The following ATL2 variants were observed in gnomAD, a reference collection of about 807,000 sequenced individuals.
ATL2 encodes the protein atlastin-2.
Under a neutral mutation model 73.9 loss-of-function variants are expected in ATL2, and 31 were observed. That is an observed-to-expected ratio of 0.42 (90% confidence interval 0.32 to 0.57). The LOEUF (loss-of-function observed/expected upper bound fraction) is 0.57, where lower values mean the gene tolerates loss of function less well. ATL2 is among the 20% of genes least tolerant of loss of function. ATL2 has a pLI of 0.14. For missense variants in ATL2, 738 were observed against 702.6 expected (o/e 1.05, Z -0.57); for synonymous variants, 291 against 237.5 (o/e 1.23, Z -2.07).
At chr2:38,313,012 A>C in intron 7 of ATL2, 139 bp downstream of exon 7, 1 of 591,994 alleles carries the variant, frequency 1.7e-6, no homozygotes, top group East Asian at 2.9e-5. Flanking sequence ...ATCAATTACA[A>C]ACAGAGTCAC....
At chr2:38,358,752 C>A (rs1338743329) in intron 1 of ATL2, 1 of 157,702 alleles carries the variant, frequency 6.3e-6, no homozygotes, top group Non-Finnish European at 1.4e-5. Context: ...TGAAAACTAT[C>A]AGCTAGTTTA....
chr2:38,377,101 TC>T (rs1266723268), intron 1 of ATL2, 41 bp downstream of exon 1: 1 of 1,579,672 alleles, frequency 6.3e-7, no homozygotes, highest in Non-Finnish European at 8.6e-7. Context: ...CGAGCGTCTC[TC>T]CCCATCAGGG....
intron 1 of ATL2, among the ~76,000 whole-genome samples, chr2:38,360,038 G>A (rs747555083): frequency 6.7e-5 from 10 of 149,906 alleles, no homozygotes; most frequent in African/African-American, 2.2e-4. Context: ...GCTGAGACAC[G>A]AGAATCACTT....
chr2:38,300,597 A>G (rs1667135274), intron 9 of ATL2, among the ~76,000 whole-genome samples: 2 of 152,294 alleles, frequency 1.3e-5, no homozygotes, highest in South Asian at 4.1e-4. Context: ...TTCTTTATGA[A>G]AAGAAATTCA....
chr2:38,329,956 C>T lies in ATL2; in HGVS notation c.364-10937G>A, dbSNP rs111793001. On this transcript the variant is annotated intron_variant, in intron 2 of 12. Transcript: ENST00000378954. ...CCAGGCTGGCCAACATGGCAAAACC[C>T]CATCTCTACTAAAAATACAAAAATT... Among the ~76,000 whole-genome samples the T allele has an allele frequency of 8.0e-3, 1,223 of 152,010 alleles. 20 individuals carry two copies. Among genetic ancestry groups the T allele is most frequent in the African/African-American group, 0.028 (1,148 of 41,470 alleles).
intron 1 of ATL2, among the ~76,000 whole-genome samples, chr2:38,344,872 T>C (rs752378980): frequency 2.0e-5 from 3 of 152,222 alleles, no homozygotes. Flanking sequence ...ACAGCTGTTA[T>C]AGCTCCCGAA....
At chr2:38,368,453 T>G (rs1671477918) in intron 1 of ATL2, among the ~76,000 whole-genome samples, 1 of 152,014 alleles carries the variant, frequency 6.6e-6, no homozygotes, top group Non-Finnish European at 1.5e-5. Flanking sequence ...GGTTTCTCCA[T>G]GTTGGTCAGG....
chr2:38,361,573 C>A (rs1671018526), intron 1 of ATL2, among the ~76,000 whole-genome samples: 1 of 152,122 alleles, frequency 6.6e-6, no homozygotes, highest in Non-Finnish European at 1.5e-5. Context: ...AACCATTCAA[C>A]TGCACAGTAA....
intron 1 of ATL2, among the ~76,000 whole-genome samples, chr2:38,373,192 A>G (rs1013952217): frequency 6.6e-6 from 1 of 152,152 alleles, no homozygotes; most frequent in African/African-American, 2.4e-5. Flanking sequence ...TTTTCCCACT[A>G]CATTATCCTC....
rs559997238 is a variant in ATL2, at chr2:38,299,237, T to C, written c.1200+19A>G. 3.0e-5 allele frequency: 45 copies of C among 1,496,358 alleles called. 1 individual carries two copies. In the South Asian group the frequency reaches 6.2e-4, roughly 21 times the overall value. The allele number at this position is 1,496,358 out of a possible 1,614,324, so 92.7% of individuals were successfully genotyped here. ...AAATCTTCTCACTCCAGCATCAAATTTAAATTTTAGGTACAAACCTGTTCC... is the reference window on the plus strand; with the variant it reads ...AAATCTTCTCACTCCAGCATCAAATCTAAATTTTAGGTACAAACCTGTTCC... On this transcript the variant is annotated intron_variant, in intron 11 of 12. Transcript: ENST00000378954.
At chr2:38,316,387 C>G (rs1668025936) in intron 4 of ATL2, among the ~76,000 whole-genome samples, 2 of 152,124 alleles carry the variant, frequency 1.3e-5, no homozygotes, top group South Asian at 4.1e-4. Context: ...TTGTCAGGGC[C>G]AGGTTGCAAA....
chr2:38,365,942 T>C (rs966684200), intron 1 of ATL2, among the ~76,000 whole-genome samples: 2 of 151,110 alleles, frequency 1.3e-5, no homozygotes, highest in Non-Finnish European at 2.9e-5. Flanking sequence ...AGCTAAACTC[T>C]GTCTCAAAAA....
intron 1 of ATL2, among the ~76,000 whole-genome samples, chr2:38,372,169 T>A (rs905361519): frequency 6.8e-6 from 1 of 147,962 alleles, no homozygotes; most frequent in Non-Finnish European, 1.5e-5. Flanking sequence ...AGACCCAAGT[T>A]AGATTTTGCA....
Position 38,308,842 on chromosome 2 carries a change from CA to C in ATL2, c.1071+536del, listed in dbSNP as rs528608677. Among the ~76,000 whole-genome samples, 180 of 151,398 alleles carry C rather than the reference CA, an allele frequency of 1.2e-3. 2 individuals are homozygous for C. Among genetic ancestry groups the C allele is most frequent in the African/African-American group, 4.1e-3 (170 of 41,286 alleles). On this transcript the variant is annotated intron_variant, in intron 9 of 12. Transcript: ENST00000378954. ...AACTATCAAGTATCCAATAAGTGAA[CA>C]AAATACACTCTTAGTTAAAACTACT...
Position 38,310,402 on chromosome 2 carries a change from T to C in ATL2, c.850A>G (p.Ile284Val). The part of the protein sequence containing the change: ...HEELQNVRKH[I>V]HNCFSNLGCF... The stretch of plus-strand genomic sequence containing the variant: ...CCAAGATTTGAGAAACAATTGTGTA[T>C]GTGCTTCCTTACATTCTGAAGCTCT... Residue 284 changes from isoleucine (I) to valine (V), a missense_variant, in exon 8 of 13, where the codon ATA becomes GTA. By Grantham distance (29) the Ile-to-Val change is conservative. Transcript: ENST00000378954. The C allele has an allele frequency of 6.2e-7, 1 of 1,612,382 alleles. No homozygotes were observed. The highest frequency in any genetic ancestry group is 8.5e-7 in the Non-Finnish European group (1 of 1,179,322).
At chr2:38,312,463 C>T (rs951142148) in intron 7 of ATL2, among the ~76,000 whole-genome samples, 2 of 152,186 alleles carry the variant, frequency 1.3e-5, no homozygotes, top group Non-Finnish European at 2.9e-5. Flanking sequence ...GTAATCCCAG[C>T]ACTTTGGGAG....
intron 1 of ATL2, among the ~76,000 whole-genome samples, chr2:38,345,023 GTTC>G (rs1558434631): frequency 5.3e-5 from 8 of 152,100 alleles, no homozygotes; most frequent in Admixed American, 4.6e-4. Context: ...CTAGGTTTCT[GTTC>G]TTCTTTAAAA....
intron 2 of ATL2, among the ~76,000 whole-genome samples, chr2:38,334,940 A>AAATATATTTATATATTATAATATATAAAT (rs374212779): frequency 1.6e-4 from 22 of 135,112 alleles, no homozygotes; most frequent in African/African-American, 3.3e-4. Context: ...TATAATATAT[A>AAATATATTTATATATTATAATATATAAAT]ACATTTATAT....
chr2:38,367,096 A>T (rs1036299212), intron 1 of ATL2, among the ~76,000 whole-genome samples: 1 of 152,004 alleles, frequency 6.6e-6, no homozygotes, highest in African/African-American at 2.4e-5. Flanking sequence ...CTGGGATTAA[A>T]GGCACGAGCC....
Sources: gnomAD v4.1 joint callset for allele counts (sites outside exome capture counted in the v4.1 genomes callset) on GRCh38, gnomAD v4.1.1 for gene constraint, MANE v1.5 for transcripts, NCBI Gene and HGNC (gene_info 2026-07-23, HGNC 2026-07-21) for gene names.